The following COL11A1 variants were observed in gnomAD, a reference collection of about 807,000 sequenced individuals.
COL11A1 encodes collagen alpha-1(XI) chain.
In COL11A1, 74 loss-of-function variants were observed where a neutral mutation model predicts 265.2. The observed-to-expected ratio is 0.28, with a 90% CI of 0.23 to 0.34. COL11A1 has a LOEUF of 0.34. Ranked by LOEUF, COL11A1 falls within the 10% of genes least tolerant of loss-of-function variation. The probability of loss-of-function intolerance (pLI) is 1.00; values close to 1 mark genes in which losing one functional copy is unlikely to be tolerated. For missense variants in COL11A1, 2,165 were observed against 2,263.6 expected (o/e 0.96, Z 0.88); for synonymous variants, 816 against 727.6 (o/e 1.12, Z -1.96).
chr1:102,898,182 G>A lies in COL11A1; in HGVS notation c.4249-4C>T, dbSNP rs560690662. ...CTCCAGGGAGACCTTGTTCTCCCTA[G>A]AGAAAATAAAAATGATTGATTTTTA... On this transcript the variant is annotated splice_region_variant and splice_polypyrimidine_tract_variant and intron_variant, in intron 56 of 66. Coordinates refer to ENST00000370096, the MANE Select transcript of COL11A1 (RefSeq NM_001854.4). 6.0e-6 allele frequency: 8 copies of A among 1,341,304 alleles called. No individual in the cohort carries two copies. The highest frequency in any genetic ancestry group is 5.4e-5 in the Admixed American group (2 of 36,858). 83.1% of individuals were successfully genotyped at this position (1,341,304 alleles called of 1,614,324 possible). A position where few individuals can be genotyped will look rare whatever the true frequency, so the allele number is the denominator to read the frequency against.
At chr1:103,052,984 T>C (rs1669950680) in intron 4 of COL11A1, among the ~76,000 whole-genome samples, 1 of 152,152 alleles carries the variant, frequency 6.6e-6, no homozygotes. Flanking sequence ...GTTAATAAAG[T>C]ACTGCAGGCT....
rs562739395 is a variant in COL11A1, at chr1:103,035,240, C to T, written c.652-3996G>A. 4.6e-5 allele frequency among the ~76,000 whole-genome samples: 7 copies of T among 152,098 alleles called. No individual in the cohort carries two copies. The South Asian group carries it at 1.5e-3, about 32-fold the overall frequency. On this transcript the variant is annotated intron_variant, in intron 4 of 66. Transcript: ENST00000370096. ...ATTAATGTTTGAGCCTTTCAAGTCT[C>T]CTTTTGGGCATCTCATTTTAAATCT...
At chr1:102,909,519 C>T (rs961367527) in intron 54 of COL11A1, among the ~76,000 whole-genome samples, 15 of 152,074 alleles carry the variant, frequency 9.9e-5, no homozygotes, top group African/African-American at 3.6e-4. Context: ...ATTATATTTT[C>T]ATTAATATAC....
At chr1:102,984,551 A>T (rs149472975) in intron 30 of COL11A1, among the ~76,000 whole-genome samples, 1 of 152,184 alleles carries the variant, frequency 6.6e-6, no homozygotes, top group East Asian at 1.9e-4. Context: ...ATTTTAAATT[A>T]GTGATGTAAC....
intron 46 of COL11A1, among the ~76,000 whole-genome samples, chr1:102,927,645 A>G (rs1359614180): frequency 2.6e-5 from 4 of 151,408 alleles, no homozygotes; most frequent in Non-Finnish European, 5.9e-5. Flanking sequence ...GCCGTCTCAA[A>G]AAAACAAAAA....
chr1:103,025,963 T>A, intron 6 of COL11A1: 1 of 1,607,698 alleles, frequency 6.2e-7, no homozygotes, highest in Non-Finnish European at 8.5e-7. Flanking sequence ...CTGTAAAATG[T>A]GGTGAAAGAT....
intron 1 of COL11A1, among the ~76,000 whole-genome samples, chr1:103,087,763 G>C (rs1672993318): frequency 1.3e-5 from 2 of 152,260 alleles, no homozygotes; most frequent in South Asian, 4.1e-4. Flanking sequence ...AGCTGGGTTA[G>C]ATCTGCTAAC....
intron 21 of COL11A1, 103 bp from the exon 22 acceptor site, chr1:103,002,894 A>T: frequency 9.2e-7 from 1 of 1,083,572 alleles, no homozygotes; most frequent in Non-Finnish European, 1.4e-6. Flanking sequence ...ACCCTAAGCA[A>T]CTAAAAATCA....
intron 46 of COL11A1, among the ~76,000 whole-genome samples, chr1:102,928,665 G>A (rs918496951): frequency 6.0e-5 from 9 of 150,190 alleles, no homozygotes; most frequent in Admixed American, 6.6e-5. Context: ...CTGAGGAATC[G>A]CCACACTGAC....
chr1:102,980,531 GGATT>G (rs1158588230), intron 31 of COL11A1, among the ~76,000 whole-genome samples: 3 of 152,016 alleles, frequency 2.0e-5, no homozygotes, highest in African/African-American at 7.2e-5. Flanking sequence ...ATCACTGTAT[GGATT>G]AAGTGCAATA....
intron 41 of COL11A1, among the ~76,000 whole-genome samples, chr1:102,961,560 A>T (rs1660909175): frequency 6.6e-6 from 1 of 152,220 alleles, no homozygotes; most frequent in South Asian, 2.1e-4. Context: ...CAGCCTCTCC[A>T]GGCATTCCGT....
At chr1:103,059,715 C>G (rs1670514990) in intron 4 of COL11A1, among the ~76,000 whole-genome samples, 1 of 151,912 alleles carries the variant, frequency 6.6e-6, no homozygotes. Flanking sequence ...TAAAAAACAC[C>G]ATAATTGAAA....
intron 54 of COL11A1, among the ~76,000 whole-genome samples, chr1:102,910,429 G>T (rs556517766): frequency 1.3e-5 from 2 of 152,218 alleles, no homozygotes; most frequent in East Asian, 1.9e-4. Context: ...AGCACTTGCT[G>T]AGAGTTTGAC....
chr1:103,042,619 C>G (rs1422730743), intron 4 of COL11A1, among the ~76,000 whole-genome samples: 1 of 152,056 alleles, frequency 6.6e-6, no homozygotes, highest in African/African-American at 2.4e-5. Flanking sequence ...TGTTTACCCC[C>G]ATACTTTCCT....
chr1:102,919,054 T>C (rs1241169), intron 49 of COL11A1, among the ~76,000 whole-genome samples: 127,828 of 151,958 alleles, frequency 0.84, 55,122 homozygotes, highest in East Asian at 1. Context: ...TTTTGTCTAA[T>C]CTGATGATAT....
intron 7 of COL11A1, among the ~76,000 whole-genome samples, chr1:103,023,592 G>A (rs185621840): frequency 4.1e-4 from 62 of 152,056 alleles, no homozygotes; most frequent in South Asian, 2.7e-3. Flanking sequence ...CCCGACCTGA[G>A]GTGATCCACC....
chr1:103,108,229 G>T lies in COL11A1; in HGVS notation c.-51C>A, dbSNP rs748344500. On this transcript the variant is annotated 5_prime_UTR_variant, in exon 1 of 67. Transcript: ENST00000370096. ...GAACTCAACCCACGAAATTGCGACTGCAGACCAACTTCGTCCTTTCCAAGG... is the reference window on the plus strand; with the variant it reads ...GAACTCAACCCACGAAATTGCGACTTCAGACCAACTTCGTCCTTTCCAAGG... 31 of 1,421,054 alleles carry T rather than the reference G, an allele frequency of 2.2e-5. 1 individual carries two copies. The Admixed American group carries it at 4.6e-4, about 21-fold the overall frequency. 88.0% of individuals were successfully genotyped at this position (1,421,054 alleles called of 1,614,324 possible).
At chr1:103,102,532 A>G (rs1430976133) in intron 1 of COL11A1, among the ~76,000 whole-genome samples, 1 of 152,052 alleles carries the variant, frequency 6.6e-6, no homozygotes, top group East Asian at 1.9e-4. Flanking sequence ...GAAGGAGTAA[A>G]AGCAGAAATG....
intron 31 of COL11A1, among the ~76,000 whole-genome samples, chr1:102,982,084 A>G (rs1663095410): frequency 6.6e-6 from 1 of 151,958 alleles, no homozygotes; most frequent in Non-Finnish European, 1.5e-5. Flanking sequence ...TCATTTTAGA[A>G]CAGAGAAACT....
Sources: gnomAD v4.1 joint callset for allele counts (sites outside exome capture counted in the v4.1 genomes callset) on GRCh38, gnomAD v4.1.1 for gene constraint, MANE v1.5 for transcripts, NCBI Gene and HGNC (gene_info 2026-07-23, HGNC 2026-07-21) for gene names.